The following FAM133A variants were observed in gnomAD, a reference collection of about 807,000 sequenced individuals.
The protein encoded by FAM133A is protein FAM133A.
For synonymous variants in FAM133A, 65 were observed against 58.6 expected (o/e 1.11, Z -0.50); for missense variants, 159 against 164.4 (o/e 0.97, Z 0.18).
At chrX:93,677,691 CT>C (rs1924814018) in intron 2 of FAM133A, among the ~76,000 whole-genome samples, 1 of 111,751 alleles carries the variant, frequency 8.9e-6, no homozygotes, top group African/African-American at 3.2e-5. Context: ...GTATGTTCCT[CT>C]TTTTGCCTGT....
At chrX:93,679,915 ATTTT>A (rs376335726) in intron 2 of FAM133A, among the ~76,000 whole-genome samples, 2 of 62,428 alleles carry the variant, frequency 3.2e-5, no homozygotes, top group African/African-American at 8.3e-5. Flanking sequence ...CTCCTGGCAA[ATTTT>A]TTTTTTTTTT....
At chrX:93,688,567 G>A (rs1925690128) in intron 2 of FAM133A, among the ~76,000 whole-genome samples, 1 of 111,389 alleles carries the variant, frequency 9.0e-6, no homozygotes, top group South Asian at 3.7e-4. Context: ...CCAGTGTTAT[G>A]TATGTAGTAG....
intron 3 of FAM133A, 21 bp downstream of exon 3, chrX:93,698,506 G>A (rs1926465726): frequency 9.0e-6 from 1 of 111,632 alleles, no homozygotes; most frequent in African/African-American, 3.3e-5. Flanking sequence ...CAAGGAAGAG[G>A]GAGTGATCCA....
At chrX:93,706,038 A>G (rs1927024904) in intron 3 of FAM133A, among the ~76,000 whole-genome samples, 1 of 112,012 alleles carries the variant, frequency 8.9e-6, no homozygotes, top group Non-Finnish European at 1.9e-5. Context: ...TTGTGCCTTC[A>G]CCACTTAGCT....
intron 2 of FAM133A, among the ~76,000 whole-genome samples, chrX:93,692,339 C>G (rs1354512463): frequency 1.8e-5 from 2 of 111,408 alleles, no homozygotes; most frequent in Non-Finnish European, 3.8e-5. Context: ...CTGGTCATAA[C>G]TGGAAGTTCT....
At chrX:93,696,498 T>G (rs1367515900) in intron 2 of FAM133A, among the ~76,000 whole-genome samples, 2 of 112,061 alleles carry the variant, frequency 1.8e-5, no homozygotes, top group Non-Finnish European at 3.8e-5. Context: ...TTACTGCCTC[T>G]AAAACTTCTC....
intron 2 of FAM133A, among the ~76,000 whole-genome samples, chrX:93,687,907 T>C (rs1014482862): frequency 8.9e-6 from 1 of 111,988 alleles, no homozygotes; most frequent in Non-Finnish European, 1.9e-5. Flanking sequence ...TGTGGAATCT[T>C]TCTGTCTCTG....
chrX:93,686,330 C>G lies in FAM133A; in HGVS notation c.-193+11578C>G, dbSNP rs1166327246. Reference sequence around the variant, plus strand: ...CTTAGATTCCAGAGTCAAACATACCCACATTTACCACTTGCTAGCTGTGTG... The same window carrying G: ...CTTAGATTCCAGAGTCAAACATACCGACATTTACCACTTGCTAGCTGTGTG... On this transcript the variant is annotated intron_variant, in intron 2 of 3. Transcript: ENST00000683942. 2.7e-5 allele frequency among the ~76,000 whole-genome samples: 3 copies of G among 110,675 alleles called. No individual in the cohort carries two copies. In the Admixed American group the frequency reaches 2.9e-4, roughly 11 times the overall value.
intron 2 of FAM133A, among the ~76,000 whole-genome samples, chrX:93,685,489 T>A (rs1925451579): frequency 1.8e-5 from 2 of 112,029 alleles, no homozygotes; most frequent in South Asian, 7.5e-4. Context: ...GATCTATGCA[T>A]GCTTATAAGT....
chrX:93,698,744 A>G (rs1422841286), intron 3 of FAM133A, among the ~76,000 whole-genome samples: 1 of 111,587 alleles, frequency 9.0e-6, no homozygotes, highest in African/African-American at 3.3e-5. Flanking sequence ...AGAGAAATGG[A>G]GCAATAGATT....
chrX:93,684,364 C>CCT (rs1320637452), intron 2 of FAM133A, among the ~76,000 whole-genome samples: 9 of 111,658 alleles, frequency 8.1e-5, no homozygotes, highest in Non-Finnish European at 1.7e-4. Flanking sequence ...GAACTACGTG[C>CCT]CTCTTTTTAT....
At chrX:93,674,351 T>C (rs2147564625) in intron 1 of FAM133A, 77 bp downstream of exon 1, 1 of 111,951 alleles carries the variant, frequency 8.9e-6, no homozygotes, top group Non-Finnish European at 1.9e-5. Context: ...TGCTGCTAAC[T>C]TGCCACGTAG....
intron 3 of FAM133A, among the ~76,000 whole-genome samples, chrX:93,702,604 C>G (rs1329002409): frequency 1.8e-5 from 2 of 109,958 alleles, no homozygotes; most frequent in African/African-American, 6.6e-5. Flanking sequence ...ACTTCCCGTT[C>G]TTTAAGTGTG....
chrX:93,679,766 T>G (rs1303479724), intron 2 of FAM133A, among the ~76,000 whole-genome samples: 2 of 100,249 alleles, frequency 2.0e-5, no homozygotes, highest in Non-Finnish European at 4.0e-5. Context: ...TTTTTTTTTT[T>G]TGAGACGGAG....
intron 2 of FAM133A, among the ~76,000 whole-genome samples, chrX:93,682,708 C>T (rs1016046413): frequency 3.7e-5 from 4 of 108,656 alleles, no homozygotes; most frequent in African/African-American, 1.3e-4. Flanking sequence ...CTCCATCTCC[C>T]GGGTTCAAGC....
At chrX:93,697,455 A>T (rs1248678806) in intron 2 of FAM133A, among the ~76,000 whole-genome samples, 3 of 110,911 alleles carry the variant, frequency 2.7e-5, no homozygotes, top group Non-Finnish European at 5.7e-5. Context: ...ACAATATTTA[A>T]CCCGTTTGAA....
At chrX:93,696,230 G>A (rs1459235103) in intron 2 of FAM133A, among the ~76,000 whole-genome samples, 1 of 111,031 alleles carries the variant, frequency 9.0e-6, no homozygotes, top group Non-Finnish European at 1.9e-5. Flanking sequence ...GCTAGGGCAA[G>A]ACAAAATGGC....
chrX:93,707,142 A>G (rs912572282), intron 3 of FAM133A, among the ~76,000 whole-genome samples: 1 of 112,232 alleles, frequency 8.9e-6, no homozygotes, highest in African/African-American at 3.2e-5. Flanking sequence ...AAGTAACAGA[A>G]AGAAGCTGCA....
chrX:93,708,728 A>G (rs913063175), intron 3 of FAM133A, among the ~76,000 whole-genome samples: 1 of 112,260 alleles, frequency 8.9e-6, no homozygotes, highest in African/African-American at 3.2e-5. Context: ...ACTAGGTACT[A>G]GAGATTAATA....
Sources: gnomAD v4.1 joint callset for allele counts (sites outside exome capture counted in the v4.1 genomes callset) on GRCh38, gnomAD v4.1.1 for gene constraint, MANE v1.5 for transcripts, NCBI Gene and HGNC (gene_info 2026-07-23, HGNC 2026-07-21) for gene names.